MTARC1: variants seen among roughly 807,000 people sequenced by gnomAD.
The protein encoded by MTARC1 is mitochondrial amidoxime-reducing component 1.
MTARC1 carries 24 observed loss-of-function variants against 33.6 expected under a neutral mutation model. The ratio of observed to expected loss-of-function variants is 0.72; its 90% confidence interval spans 0.52 to 1.01. The LOEUF (loss-of-function observed/expected upper bound fraction) is 1.01, where lower values mean the gene tolerates loss of function less well. MTARC1 is among the 50% of genes least tolerant of loss of function. The pLI, the probability that MTARC1 is intolerant of heterozygous loss-of-function variation, is 0.00. For missense variants in MTARC1, 417 were observed against 445.7 expected (o/e 0.94, Z 0.58); for synonymous variants, 187 against 189.5 (o/e 0.99, Z 0.11).
At chr1:220,791,787 C>T (rs1672431529) in intron 2 of MTARC1, 123 bp downstream of exon 2, 2 of 1,055,042 alleles carry the variant, frequency 1.9e-6, no homozygotes, top group Non-Finnish European at 2.7e-6. Context: ...GCATGTGTAC[C>T]ATATACAGAA....
Position 220,817,976 on chromosome 1 carries a change from T to G in MTARC1, c.*4558T>G, listed in dbSNP as rs551466726. On this transcript the variant is annotated 3_prime_UTR_variant, in exon 7 of 7. Transcript: ENST00000366910. Reference sequence around the variant, plus strand: ...CTCAGAAGTCCTATGGCCCTGACTCTATCTATGTCTGCACAAAGCACTACT... The same window carrying G: ...CTCAGAAGTCCTATGGCCCTGACTCGATCTATGTCTGCACAAAGCACTACT... The G allele has an allele frequency of 2.0e-5, 3 of 152,354 alleles. No homozygotes were observed. The South Asian group carries it at 6.2e-4, about 32-fold the overall frequency. 9.4% of individuals were successfully genotyped at this position (152,354 alleles called of 1,614,324 possible). A position where few individuals can be genotyped will look rare whatever the true frequency, so the allele number is the denominator to read the frequency against.
Position 220,787,181 on chromosome 1 carries a change from C to T in MTARC1, c.237C>T (p.Cys79=). 2 of 1,579,976 alleles carry T rather than the reference C, an allele frequency of 1.3e-6. No homozygotes were observed. The highest frequency in any genetic ancestry group is 2.4e-5 in the East Asian group (1 of 42,498). Reference sequence around the variant, plus strand: ...GGGTGCCGGTGAGCGAGGCGGAGTGCACGGCCATGGGGCTGCGCAGCGGCA... The same window carrying T: ...GGGTGCCGGTGAGCGAGGCGGAGTGTACGGCCATGGGGCTGCGCAGCGGCA... The part of the protein sequence containing the change: ...CKGVPVSEAE[C]TAMGLRSGNL... Residue 79 remains cysteine (C), a synonymous_variant, in exon 1 of 7, where the codon TGC becomes TGT. Coordinates refer to ENST00000366910, the MANE Select transcript of MTARC1 (RefSeq NM_022746.4).
In MTARC1 at chr1:220,798,241, A is replaced by G. The variant is rs148705330; in HGVS notation, c.753+227A>G. On this transcript the variant is annotated intron_variant, in intron 4 of 6. Coordinates refer to ENST00000366910, the MANE Select transcript of MTARC1 (RefSeq NM_022746.4). ...ACTGTCATCAAGGAGGCAGTTCAGT[A>G]TCTAAGGCTTCTAAGGAGAATTCTG... 7.2e-4 allele frequency: 1,046 copies of G among 1,454,846 alleles called. 1 individual carries two copies. Among genetic ancestry groups the G allele is most frequent in the Middle Eastern group, 3.2e-3 (17 of 5,332 alleles). 90.1% of individuals were successfully genotyped at this position (1,454,846 alleles called of 1,614,324 possible).
intron 3 of MTARC1, 101 bp downstream of exon 3, chr1:220,796,906 C>T: frequency 7.9e-7 from 1 of 1,260,342 alleles, no homozygotes; most frequent in Admixed American, 3.2e-5. Flanking sequence ...TTTTCTGGGG[C>T]AGCCCTCTGG....
At chr1:220,789,084 C>G (rs1672338930) in intron 1 of MTARC1, among the ~76,000 whole-genome samples, 1 of 151,858 alleles carries the variant, frequency 6.6e-6, no homozygotes. Context: ...TGACACGTGC[C>G]AGGGTGCCAG....
intron 1 of MTARC1, among the ~76,000 whole-genome samples, chr1:220,789,853 C>G (rs1214058803): frequency 6.6e-6 from 1 of 152,006 alleles, no homozygotes; most frequent in Non-Finnish European, 1.5e-5. Context: ...TATGAAATGT[C>G]TAGTGGATAA....
rs72472344 is a variant in MTARC1, at chr1:220,806,261, T to C, written c.887+987T>C. On this transcript the variant is annotated intron_variant, in intron 6 of 6. Coordinates refer to ENST00000366910, the MANE Select transcript of MTARC1 (RefSeq NM_022746.4). ...CTTCTCTTCATTGGTCCCTTTGACA[T>C]TGAATGCTGAGTCACAGGCCAGGTG... Among the ~76,000 whole-genome samples the C allele has an allele frequency of 2.6e-5, 4 of 152,282 alleles. No individual in the cohort carries two copies. In the East Asian group the frequency reaches 7.7e-4, roughly 29 times the overall value.
chr1:220,800,773 A>T (rs1243736410), intron 4 of MTARC1, among the ~76,000 whole-genome samples: 5 of 152,046 alleles, frequency 3.3e-5, no homozygotes, highest in African/African-American at 9.7e-5. Context: ...TGTCTCGCCC[A>T]TCTCAGCACA....
At chr1:220,796,869 G>C (rs1294541120) in intron 3 of MTARC1, 64 bp downstream of exon 3, 4 of 1,503,028 alleles carry the variant, frequency 2.7e-6, no homozygotes, top group Non-Finnish European at 3.6e-6. Flanking sequence ...GGCTCAGGTG[G>C]CATCTCTGAT....
Position 220,791,682 on chromosome 1 carries a change from C to G in MTARC1, c.449+18C>G, listed in dbSNP as rs372483735. The G allele has an allele frequency of 5.6e-6, 9 of 1,609,500 alleles. No individual in the cohort carries two copies. The highest frequency in any genetic ancestry group is 1.7e-5 in the Admixed American group (1 of 59,724). ...AAGTGCAGGTAAGGAAAGGGCAGGT[C>G]GTAGCCCTTGTGTGAATGAATAGTC... On this transcript the variant is annotated intron_variant, in intron 2 of 6. Coordinates refer to ENST00000366910, the MANE Select transcript of MTARC1 (RefSeq NM_022746.4).
intron 6 of MTARC1, among the ~76,000 whole-genome samples, chr1:220,807,028 A>G (rs539758691): frequency 1.3e-5 from 2 of 152,230 alleles, no homozygotes; most frequent in African/African-American, 4.8e-5. Context: ...GGGAATCCCA[A>G]CATTTTGAGA....
chr1:220,798,078 T>C, intron 4 of MTARC1, 64 bp downstream of exon 4: 9 of 1,613,492 alleles, frequency 5.6e-6, no homozygotes, highest in Non-Finnish European at 7.6e-6. Context: ...ATGAGAGTCT[T>C]TGACATTGGA....
intron 6 of MTARC1, among the ~76,000 whole-genome samples, chr1:220,812,697 A>G (rs1673172407): frequency 6.6e-6 from 1 of 151,992 alleles, no homozygotes; most frequent in African/African-American, 2.4e-5. Context: ...AAGGAAGATG[A>G]TAAAGTATGT....
rs1259318176 is a variant in MTARC1, at chr1:220,818,505, C to T, written c.*5087C>T. 1 of 152,164 alleles carries T rather than the reference C, an allele frequency of 6.6e-6. No individual in the cohort carries two copies. Among genetic ancestry groups the T allele is most frequent in the Non-Finnish European group, 1.5e-5 (1 of 68,040 alleles). 9.4% of individuals were successfully genotyped at this position (152,164 alleles called of 1,614,324 possible). The stretch of plus-strand genomic sequence containing the variant: ...GCATTCACCCTTGCTGGTCCTCAGT[C>T]ATGCTCCTTTACCTTTACAGAGCAT... On this transcript the variant is annotated 3_prime_UTR_variant, in exon 7 of 7. Coordinates refer to ENST00000366910, the MANE Select transcript of MTARC1 (RefSeq NM_022746.4).
intron 4 of MTARC1, among the ~76,000 whole-genome samples, chr1:220,801,167 C>T (rs1161439798): frequency 3.3e-5 from 5 of 152,190 alleles, no homozygotes; most frequent in African/African-American, 1.2e-4. Flanking sequence ...CCCGCCAGCT[C>T]CCAGCCCCTT....
chr1:220,799,014 T>G, intron 4 of MTARC1: 3 of 985,414 alleles, frequency 3.0e-6, no homozygotes, highest in Non-Finnish European at 3.6e-6. Flanking sequence ...GGCTTCTGCA[T>G]GACTTTGAGC....
At chr1:220,813,190 C>G (rs936825659) in intron 6 of MTARC1, 102 bp from the exon 7 acceptor site, 3 of 1,504,170 alleles carry the variant, frequency 2.0e-6, no homozygotes, top group Non-Finnish European at 2.8e-6. Context: ...GGTGCCCTCT[C>G]GAGCTGTGCG....
intron 6 of MTARC1, among the ~76,000 whole-genome samples, chr1:220,809,258 G>C (rs1276911605): frequency 6.6e-6 from 1 of 152,110 alleles, no homozygotes; most frequent in Non-Finnish European, 1.5e-5. Flanking sequence ...GCAAGATATA[G>C]GATTTTTATA....
chr1:220,796,864 A>G, intron 3 of MTARC1, 59 bp downstream of exon 3: 2 of 1,511,874 alleles, frequency 1.3e-6, no homozygotes, highest in Non-Finnish European at 1.8e-6. Context: ...CAGGGGGCTC[A>G]GGTGGCATCT....
Sources: allele counts gnomAD v4.1 joint callset (sites outside exome capture counted in the v4.1 genomes callset), GRCh38; gene constraint gnomAD v4.1.1; transcripts MANE v1.5; gene names NCBI Gene and HGNC (gene_info 2026-07-23, HGNC 2026-07-21).